The following TAB2 variants were observed in gnomAD, a reference collection of about 807,000 sequenced individuals.
TAB2 encodes TGF-beta-activated kinase 1 and MAP3K7-binding protein 2.
TAB2 carries 3 observed loss-of-function variants against 65.0 expected under a neutral mutation model. The ratio of observed to expected loss-of-function variants is 0.05; its 90% CI spans 0.02 to 0.12. The LOEUF is 0.12. Ranked by LOEUF, TAB2 falls within the 10% of genes least tolerant of loss-of-function variation. TAB2 has a pLI of 1.00. For missense variants in TAB2, 623 were observed against 840.3 expected (o/e 0.74, Z 3.20); for synonymous variants, 298 against 285.1 (o/e 1.05, Z -0.46).
In TAB2 at chr6:149,227,947, A is replaced by C. The variant is rs1262794300; in HGVS notation, c.-121+9171A>C. On this transcript the variant is annotated intron_variant, in intron 1 of 1. Transcript: ENST00000606202. ...GCTAACATAGTTGGGGCAAGAAGCC[A>C]GCGTAGCCACAGAGAGAGAACAAAT... Among the ~76,000 whole-genome samples, 3 of 152,190 alleles carry C rather than the reference A, an allele frequency of 2.0e-5. No homozygotes were observed. The East Asian group carries it at 5.8e-4, about 29-fold the overall frequency.
chr6:149,271,665 C>T (rs1194527440), intron 1 of TAB2, among the ~76,000 whole-genome samples: 1 of 152,068 alleles, frequency 6.6e-6, no homozygotes, highest in Non-Finnish European at 1.5e-5. Context: ...AACTATTTAG[C>T]TGGACAATCA....
chr6:149,263,468 A>T (rs1210030685), intron 1 of TAB2, among the ~76,000 whole-genome samples: 2 of 152,196 alleles, frequency 1.3e-5, no homozygotes, highest in Non-Finnish European at 2.9e-5. Flanking sequence ...GAAAGCCAAG[A>T]TTTACCAGTC....
At chr6:149,335,717 G>A (rs769014809) in intron 1 of TAB2, among the ~76,000 whole-genome samples, 1 of 151,086 alleles carries the variant, frequency 6.6e-6, no homozygotes, top group Non-Finnish European at 1.5e-5. Context: ...AACTTGGCAG[G>A]GCTCTTTGAA....
At chr6:149,269,574 T>C (rs185406483) in intron 1 of TAB2, among the ~76,000 whole-genome samples, 10 of 152,256 alleles carry the variant, frequency 6.6e-5, no homozygotes, top group Non-Finnish European at 1.0e-4. Flanking sequence ...AAAAAATTCC[T>C]TTTCACCCCT....
At chr6:149,314,578 C>A (rs1779218313), upstream of TAB2, among the ~76,000 whole-genome samples, 1 of 152,166 alleles carries the variant, frequency 6.6e-6, no homozygotes, top group Non-Finnish European at 1.5e-5. Flanking sequence ...CACTTCCACC[C>A]TGTGCAAAGT....
intron 1 of TAB2, among the ~76,000 whole-genome samples, chr6:149,250,308 T>C (rs1181560621): frequency 6.7e-6 from 1 of 149,624 alleles, no homozygotes; most frequent in Non-Finnish European, 1.5e-5. Context: ...CACCAAACTT[T>C]TTTTTTTTTC....
intron 6 of TAB2, among the ~76,000 whole-genome samples, chr6:149,401,750 A>G (rs1340740308): frequency 6.6e-6 from 1 of 152,196 alleles, no homozygotes; most frequent in Non-Finnish European, 1.5e-5. Flanking sequence ...ACCTAAGAAG[A>G]TAGAAATCAT....
intron 1 of TAB2, among the ~76,000 whole-genome samples, chr6:149,339,598 TTTATTTA>T (rs1780046325): frequency 4.7e-5 from 1 of 21,312 alleles, no homozygotes; most frequent in African/African-American, 1.4e-4. Flanking sequence ...TATTTATTTA[TTTATTTA>T]TTTTTTTTTT....
chr6:149,350,007 C>T (rs1249811504), intron 1 of TAB2, among the ~76,000 whole-genome samples: 1 of 152,158 alleles, frequency 6.6e-6, no homozygotes, highest in Admixed American at 6.5e-5. Context: ...TCTCAGCTCA[C>T]TGCAACCTCT....
intron 1 of TAB2, among the ~76,000 whole-genome samples, chr6:149,254,079 A>T (rs1222035205): frequency 9.4e-6 from 1 of 106,426 alleles, no homozygotes; most frequent in Non-Finnish European, 2.1e-5. Flanking sequence ...GGAAGGAAGG[A>T]AGGAAGGAAG....
Position 149,379,476 on chromosome 6 carries a change from C to G in TAB2, c.1561C>G (p.Arg521Gly). The change falls in exon 3 of 7, where the codon CGG becomes GGG. Residue 521 changes from arginine (R) to glycine (G), a missense_variant. This residue lies in a region of TAB2 where 550 missense variants were observed against 665.7 expected (regional missense o/e 0.83). Coordinates refer to ENST00000637181, the MANE Select transcript of TAB2 (RefSeq NM_001292034.3). ...ACATGTGGATAGAATAAGTGAAACACGGAAACTGAGTATGGGATCTGATGA... is the reference window on the plus strand; with the variant it reads ...ACATGTGGATAGAATAAGTGAAACAGGGAAACTGAGTATGGGATCTGATGA... ...LAHVDRISET[R>G]KLSMGSDDAA... 1 of 1,614,018 alleles carries G rather than the reference C, an allele frequency of 6.2e-7. No individual in the cohort carries two copies. Among genetic ancestry groups the G allele is most frequent in the Non-Finnish European group, 8.5e-7 (1 of 1,180,004 alleles).
chr6:149,292,864 T>A lies in TAB2; in HGVS notation c.-121+74088T>A, dbSNP rs144991160. ...CTTAATTAAATTCCTTTGTTTTTCA[T>A]TAATAAAAGTACCATATAACCTAAT... is the stretch of plus-strand genomic sequence containing the variant. On this transcript the variant is annotated intron_variant, in intron 1 of 1. Transcript: ENST00000606202. Among the ~76,000 whole-genome samples, 280 of 152,360 alleles carry A rather than the reference T, an allele frequency of 1.8e-3. 2 individuals are homozygous for A. Among genetic ancestry groups the A allele is most frequent in the African/African-American group, 5.7e-3 (238 of 41,590 alleles).
chr6:149,316,398 T>TA (rs916089779), upstream of TAB2, among the ~76,000 whole-genome samples: 6 of 152,048 alleles, frequency 3.9e-5, no homozygotes, highest in African/African-American at 1.4e-4. Context: ...AAAGATGGTT[T>TA]AAAAAAAATT....
chr6:149,235,283 C>T (rs559216394), intron 1 of TAB2, among the ~76,000 whole-genome samples: 5 of 152,312 alleles, frequency 3.3e-5, no homozygotes, highest in African/African-American at 1.2e-4. Context: ...AAACTGGGCC[C>T]TGTGCCAAGG....
chr6:149,387,020 C>T (rs1476669146), intron 3 of TAB2, among the ~76,000 whole-genome samples: 2 of 152,118 alleles, frequency 1.3e-5, no homozygotes, highest in Non-Finnish European at 2.9e-5. Flanking sequence ...AAGTCCCTTC[C>T]ATGATTTGCA....
intron 1 of TAB2, chr6:149,246,580 G>A: frequency 6.6e-6 from 1 of 152,266 alleles, no homozygotes; most frequent in East Asian, 1.9e-4. Context: ...GGACTGGGCT[G>A]TTAAGTCGTG....
intron 1 of TAB2, chr6:149,246,462 T>C (rs886852663): frequency 3.9e-5 from 6 of 152,236 alleles, no homozygotes; most frequent in African/African-American, 1.2e-4. Flanking sequence ...CAAAGCTTTT[T>C]CTAAAACCGC....
chr6:149,253,857 G>C (rs1233826100), intron 1 of TAB2, among the ~76,000 whole-genome samples: 1 of 150,876 alleles, frequency 6.6e-6, no homozygotes, highest in Non-Finnish European at 1.5e-5. Context: ...AGGAGGCAGA[G>C]GTTGCAGTGA....
At chr6:149,325,503 A>G (rs1399096966) in intron 1 of TAB2, among the ~76,000 whole-genome samples, 1 of 152,214 alleles carries the variant, frequency 6.6e-6, no homozygotes, top group African/African-American at 2.4e-5. Context: ...TTATTTTTTT[A>G]ACTACAAAAT....
Sources: allele counts gnomAD v4.1 joint callset (sites outside exome capture counted in the v4.1 genomes callset), GRCh38; gene constraint gnomAD v4.1.1; regional missense constraint gnomAD v4.1.1; transcripts MANE v1.5; gene names NCBI Gene and HGNC (gene_info 2026-07-23, HGNC 2026-07-21).